RBFOX1: variants seen among roughly 807,000 people sequenced by gnomAD.
RBFOX1 encodes RNA binding fox-1 homolog 1.
Under a neutral mutation model 57.7 loss-of-function variants are expected in RBFOX1, and 8 were observed. That is an observed-to-expected ratio of 0.14 (90% confidence interval 0.08 to 0.25). RBFOX1 has a LOEUF of 0.25. Ranked by LOEUF, RBFOX1 falls within the 10% of genes least tolerant of loss-of-function variation. RBFOX1 has a pLI of 1.00. For missense variants in RBFOX1, 611 were observed against 548.5 expected, an observed-to-expected ratio of 1.11 and a Z score of -1.14; for synonymous variants, 326 against 222.4, an observed-to-expected ratio of 1.47 and a Z score of -4.15.
chr16:7,675,566 C>T (rs2073030432), intron 13 of RBFOX1, among the ~76,000 whole-genome samples: 1 of 152,172 alleles, frequency 6.6e-6, no homozygotes, highest in African/African-American at 2.4e-5. Context: ...TGAAAGTTAA[C>T]TGTGCAGGAA....
chr16:7,607,985 G>C (rs974873938), intron 10 of RBFOX1, among the ~76,000 whole-genome samples: 1 of 152,152 alleles, frequency 6.6e-6, no homozygotes, highest in Admixed American at 6.5e-5. Flanking sequence ...TAACCCAGAA[G>C]CAGTAGTGGC....
intron 2 of RBFOX1, among the ~76,000 whole-genome samples, chr16:6,519,510 G>A (rs1014234123): frequency 6.6e-6 from 1 of 152,028 alleles, no homozygotes; most frequent in Non-Finnish European, 1.5e-5. Context: ...AGACCAACCT[G>A]GCCAACATGA....
At chr16:6,374,661 C>G (rs961391552) in intron 2 of RBFOX1, among the ~76,000 whole-genome samples, 20 of 152,196 alleles carry the variant, frequency 1.3e-4, no homozygotes, top group Non-Finnish European at 4.4e-5. Context: ...GCCAACTGCT[C>G]TTGTGCAAGG....
At chr16:6,901,584 T>C (rs2068508803) in intron 3 of RBFOX1, among the ~76,000 whole-genome samples, 1 of 152,306 alleles carries the variant, frequency 6.6e-6, no homozygotes, top group East Asian at 1.9e-4. Flanking sequence ...TCCTCAATTA[T>C]GCTGTGAGAG....
intron 3 of RBFOX1, among the ~76,000 whole-genome samples, chr16:6,760,148 G>A (rs967615718): frequency 6.6e-6 from 1 of 152,088 alleles, no homozygotes; most frequent in African/African-American, 2.4e-5. Flanking sequence ...AAAAAAAAAT[G>A]TACGTACACA....
chr16:5,684,342 A>C (rs1323968238), intron 3 of RBFOX1, among the ~76,000 whole-genome samples: 1 of 152,152 alleles, frequency 6.6e-6, no homozygotes, highest in Non-Finnish European at 1.5e-5. Context: ...AACCCTGACT[A>C]ATACAGCTGT....
intron 2 of RBFOX1, among the ~76,000 whole-genome samples, chr16:6,424,990 A>G (rs755921722): frequency 1.8e-4 from 28 of 152,216 alleles, no homozygotes; most frequent in African/African-American, 6.8e-4. Context: ...ATACTCTACA[A>G]TATTATTATT....
At chr16:5,821,442 A>G (rs796757220) in intron 3 of RBFOX1, among the ~76,000 whole-genome samples, 3 of 151,880 alleles carry the variant, frequency 2.0e-5, no homozygotes, top group South Asian at 2.1e-4. Flanking sequence ...AGCTGGGACT[A>G]CAGGCACCTG....
At chr16:6,159,192 T>G (rs2096859712) in intron 1 of RBFOX1, among the ~76,000 whole-genome samples, 1 of 152,190 alleles carries the variant, frequency 6.6e-6, no homozygotes, top group African/African-American at 2.4e-5. Context: ...CTCTCCTGCC[T>G]CGGCCTCCCG....
intron 2 of RBFOX1, among the ~76,000 whole-genome samples, chr16:5,554,861 T>C (rs778879197): frequency 1.1e-4 from 16 of 152,222 alleles, no homozygotes; most frequent in Non-Finnish European, 2.2e-4. Context: ...AGCAGTTGTC[T>C]CCAATGTCAC....
intron 1 of RBFOX1, chr16:5,366,264 G>A (rs2065711911): frequency 5.1e-6 from 2 of 395,948 alleles, no homozygotes; most frequent in Non-Finnish European, 9.8e-6. Flanking sequence ...AGTAAAACTT[G>A]CTGCCGATGA....
intron 2 of RBFOX1, among the ~76,000 whole-genome samples, chr16:5,494,351 G>C (rs1404359867): frequency 6.6e-6 from 1 of 152,226 alleles, no homozygotes. Context: ...AGAGTTGTCA[G>C]ACTCTGACCT....
intron 1 of RBFOX1, among the ~76,000 whole-genome samples, chr16:6,215,984 A>T (rs1390034605): frequency 6.6e-6 from 1 of 152,316 alleles, no homozygotes. Flanking sequence ...TTGCAGGGAC[A>T]TGGATGGAGC....
chr16:6,054,643 G>C (rs1429632088), intron 1 of RBFOX1, among the ~76,000 whole-genome samples: 1 of 152,146 alleles, frequency 6.6e-6, no homozygotes, highest in Non-Finnish European at 1.5e-5. Context: ...GTTGTCGTTG[G>C]TTTAGAATAA....
At chr16:7,471,360 AT>A (rs536643324) in intron 4 of RBFOX1, among the ~76,000 whole-genome samples, 3 of 152,014 alleles carry the variant, frequency 2.0e-5, no homozygotes, top group Admixed American at 6.6e-5. Context: ...TGCTGGGCTA[AT>A]TTTTTTTAAT....
Position 6,842,155 on chromosome 16 carries a change from A to AT in RBFOX1, c.-16+187505_-16+187506insT, listed in dbSNP as rs755603549. Among the ~76,000 whole-genome samples the AT allele has an allele frequency of 6.4e-3, 952 of 148,098 alleles. 9 individuals carry two copies. Among genetic ancestry groups the AT allele is most frequent in the African/African-American group, 0.023 (900 of 39,358 alleles). ...AAGACTGTCTCAGAAAAAAAAATAA[A>AT]AAATAAATAAATAAATAAATAAATA... On this transcript the variant is annotated intron_variant, in intron 3 of 15. Coordinates refer to ENST00000550418, the MANE Select transcript of RBFOX1 (RefSeq NM_018723.4).
intron 3 of RBFOX1, among the ~76,000 whole-genome samples, chr16:5,646,436 AC>A (rs2048928442): frequency 6.6e-6 from 1 of 151,768 alleles, no homozygotes; most frequent in African/African-American, 2.4e-5. Flanking sequence ...ACTGTGCACA[AC>A]CTCTGGTTCC....
intron 3 of RBFOX1, among the ~76,000 whole-genome samples, chr16:5,855,989 T>C (rs1486170452): frequency 6.8e-6 from 1 of 146,800 alleles, no homozygotes; most frequent in Non-Finnish European, 1.5e-5. Context: ...TTTTTTTTTT[T>C]TTTTTTTGCT....
At chr16:6,299,314 T>C (rs900227994) in intron 1 of RBFOX1, among the ~76,000 whole-genome samples, 2 of 152,198 alleles carry the variant, frequency 1.3e-5, no homozygotes, top group Admixed American at 6.5e-5. Context: ...TTTACTGACA[T>C]CATTGTTAAA....
Sources: allele counts gnomAD v4.1 joint callset (sites outside exome capture counted in the v4.1 genomes callset), GRCh38; gene constraint gnomAD v4.1.1; transcripts MANE v1.5; gene names NCBI Gene and HGNC (gene_info 2026-07-23, HGNC 2026-07-21).